The following EIF4G3 variants were observed in gnomAD, a reference collection of about 807,000 sequenced individuals.
EIF4G3 encodes eukaryotic translation initiation factor 4 gamma 3.
Under a neutral mutation model 186.4 loss-of-function variants are expected in EIF4G3, and 34 were observed. That is an observed-to-expected ratio of 0.18 (90% CI 0.14 to 0.24). EIF4G3 has a LOEUF of 0.24. EIF4G3 is among the 10% of genes least tolerant of loss of function. The pLI, the probability that EIF4G3 is intolerant of heterozygous loss-of-function variation, is 1.00. For synonymous variants in EIF4G3, 673 were observed against 679.5 expected, an observed-to-expected ratio of 0.99 and a Z score of 0.15; for missense variants, 1,536 against 1,948.5, an observed-to-expected ratio of 0.79 and a Z score of 3.99.
At chr1:21,059,446 AACT>A (rs2094765893) in intron 3 of EIF4G3, among the ~76,000 whole-genome samples, 1 of 152,172 alleles carries the variant, frequency 6.6e-6, no homozygotes, top group Non-Finnish European at 1.5e-5. Context: ...TGGTCTGCTC[AACT>A]AAAAGGAGCA....
chr1:20,863,378 T>TAAAAAACAAAAAAAAAAAAAAAAA (rs2076787092), intron 22 of EIF4G3, among the ~76,000 whole-genome samples: 1 of 102,476 alleles, frequency 9.8e-6, no homozygotes, highest in Non-Finnish European at 1.9e-5. Context: ...CTACAAAAAG[T>TAAAAAACAAAAAAAAAAAAAAAAA]AAAAAAAAAA....
intron 18 of EIF4G3, among the ~76,000 whole-genome samples, chr1:20,891,494 C>A (rs764203804): frequency 6.6e-6 from 1 of 151,738 alleles, no homozygotes; most frequent in African/African-American, 2.4e-5. Context: ...TAAAATGGGC[C>A]GGGCACAGTG....
At chr1:20,863,475 A>C (rs1571859479) in intron 22 of EIF4G3, among the ~76,000 whole-genome samples, 2 of 105,142 alleles carry the variant, frequency 1.9e-5, no homozygotes, top group Admixed American at 1.4e-4. Flanking sequence ...ATGGAGTTTC[A>C]CTCTTGTTGC....
intron 2 of EIF4G3, among the ~76,000 whole-genome samples, chr1:21,151,352 C>T (rs1245245293): frequency 1.4e-5 from 2 of 145,852 alleles, no homozygotes; most frequent in Non-Finnish European, 3.0e-5. Context: ...CATTCTCCTG[C>T]CTCAGCCTCC....
At chr1:20,864,367 A>C in intron 22 of EIF4G3, 109 bp downstream of exon 22, 1 of 823,326 alleles carries the variant, frequency 1.2e-6, no homozygotes, top group East Asian at 2.4e-5. Context: ...GAAGAAAAAT[A>C]AACAGCCCAG....
At chr1:20,957,606 A>G (rs1162964183) in intron 12 of EIF4G3, among the ~76,000 whole-genome samples, 2 of 152,078 alleles carry the variant, frequency 1.3e-5, no homozygotes, top group African/African-American at 4.8e-5. Context: ...ATTACAAAAG[A>G]TCAATGAAAC....
At chr1:21,115,636 T>C (rs891452466) in intron 2 of EIF4G3, among the ~76,000 whole-genome samples, 1 of 152,126 alleles carries the variant, frequency 6.6e-6, no homozygotes, top group Non-Finnish European at 1.5e-5. Context: ...GGAAAAAAAA[T>C]GTGTACTACT....
intron 20 of EIF4G3, among the ~76,000 whole-genome samples, chr1:20,876,953 C>T (rs186297304): frequency 6.6e-6 from 1 of 152,160 alleles, no homozygotes; most frequent in African/African-American, 2.4e-5. Context: ...GGACTCCAGC[C>T]TGGGCAACAG....
intron 4 of EIF4G3, among the ~76,000 whole-genome samples, chr1:21,047,438 G>T (rs542537984): frequency 6.6e-6 from 1 of 152,132 alleles, no homozygotes; most frequent in Non-Finnish European, 1.5e-5. Flanking sequence ...TGTTCACACT[G>T]AAGTCTCATT....
chr1:21,096,327 T>C (rs1210290582), intron 2 of EIF4G3, among the ~76,000 whole-genome samples: 1 of 152,204 alleles, frequency 6.6e-6, no homozygotes, highest in East Asian at 1.9e-4. Context: ...TGTTGAGATT[T>C]AAATAATGTA....
chr1:20,819,847 TAAC>T (rs1374136153), intron 33 of EIF4G3, among the ~76,000 whole-genome samples: 2 of 149,882 alleles, frequency 1.3e-5, no homozygotes, highest in African/African-American at 2.5e-5. Flanking sequence ...AAAGTTAAAT[TAAC>T]AAAAAAAGAG....
chr1:20,829,105 A>G (rs1459403907), intron 31 of EIF4G3, 42 bp downstream of exon 31: 1 of 1,596,830 alleles, frequency 6.3e-7, no homozygotes, highest in South Asian at 1.1e-5. Flanking sequence ...GTTATTAGTC[A>G]GTTCTACCTG....
At chr1:20,811,739 C>T (rs1017674190) in intron 35 of EIF4G3, among the ~76,000 whole-genome samples, 9 of 152,168 alleles carry the variant, frequency 5.9e-5, no homozygotes, top group African/African-American at 2.2e-4. Flanking sequence ...AATCATTCCA[C>T]ATTGGACATG....
intron 35 of EIF4G3, among the ~76,000 whole-genome samples, chr1:20,811,897 CACTT>C (rs752440772): frequency 9.9e-5 from 15 of 152,154 alleles, no homozygotes; most frequent in African/African-American, 1.9e-4. Context: ...ATTAAAGTGA[CACTT>C]AATACAAATC....
chr1:20,825,887 T>A (rs10753507), intron 32 of EIF4G3, among the ~76,000 whole-genome samples: 84,128 of 151,992 alleles, frequency 0.55, 24,162 homozygotes, highest in East Asian at 0.83. Flanking sequence ...AGAGCTGTTG[T>A]CAGGTAGAAA....
intron 12 of EIF4G3, among the ~76,000 whole-genome samples, chr1:20,961,962 A>G (rs1000908937): frequency 6.6e-5 from 10 of 152,230 alleles, no homozygotes; most frequent in Non-Finnish European, 1.2e-4. Flanking sequence ...ATCAGTGCCT[A>G]TGACTGAGAT....
At chr1:21,066,179 T>C (rs1273044357) in intron 3 of EIF4G3, among the ~76,000 whole-genome samples, 1 of 151,212 alleles carries the variant, frequency 6.6e-6, no homozygotes, top group Non-Finnish European at 1.5e-5. Flanking sequence ...AATAACTAAA[T>C]ACTTGACACC....
intron 2 of EIF4G3, among the ~76,000 whole-genome samples, chr1:21,166,044 A>G (rs1417018036): frequency 7.9e-6 from 1 of 125,930 alleles, no homozygotes; most frequent in African/African-American, 2.8e-5. Flanking sequence ...ATCTTTGTTC[A>G]TATTGATCAC....
At chr1:20,915,069 A>C (rs2093707190) in intron 14 of EIF4G3, among the ~76,000 whole-genome samples, 1 of 152,190 alleles carries the variant, frequency 6.6e-6, no homozygotes, top group Non-Finnish European at 1.5e-5. Flanking sequence ...ACCGTATCTA[A>C]TAACCCTCTA....
Sources: allele counts gnomAD v4.1 joint callset (sites outside exome capture counted in the v4.1 genomes callset), GRCh38; gene constraint gnomAD v4.1.1; transcripts MANE v1.5; gene names NCBI Gene and HGNC (gene_info 2026-07-23, HGNC 2026-07-21).